CDKAL1: variants seen among roughly 807,000 people sequenced by gnomAD.
CDKAL1 encodes the protein threonylcarbamoyladenosine tRNA methylthiotransferase.
CDKAL1 carries 32 observed loss-of-function variants against 68.2 expected under a neutral mutation model. That is an observed-to-expected ratio of 0.47 (90% CI 0.35 to 0.63). CDKAL1 has a LOEUF of 0.63. Ranked by LOEUF, CDKAL1 falls within the 30% of genes least tolerant of loss-of-function variation. The pLI is 0.00. For missense variants in CDKAL1, 606 were observed against 696.7 expected (o/e 0.87, Z 1.47); for synonymous variants, 234 against 244.3 (o/e 0.96, Z 0.39).
In CDKAL1 at chr6:21,191,992, C is replaced by CTTTTTTTTTTTTTTTTTTTTTTTTTTTTT. The variant is rs145894251; in HGVS notation, c.1300-6017_1300-5989dup. Among the ~76,000 whole-genome samples the CTTTTTTTTTTTTTTTTTTTTTTTTTTTTT allele has an allele frequency of 5.8e-5, 2 of 34,530 alleles. 1 individual carries two copies. Among genetic ancestry groups the CTTTTTTTTTTTTTTTTTTTTTTTTTTTTT allele is most frequent in the African/African-American group, 2.1e-4 (2 of 9,324 alleles). 22.7% of individuals were successfully genotyped at this position (34,530 alleles called of 152,430 possible). ...AGGAATATTTTTATAATTCATTTTT[C>CTTTTTTTTTTTTTTTTTTTTTTTTTTTTT]TTTTTTTTTTTTTTTTTTTTTTTTT... On this transcript the variant is annotated intron_variant, in intron 13 of 15. Coordinates refer to ENST00000274695, the MANE Select transcript of CDKAL1 (RefSeq NM_017774.3).
chr6:21,201,325 GGAA>G (rs1388515014), intron 15 of CDKAL1, 51 bp downstream of exon 15: 1 of 1,485,962 alleles, frequency 6.7e-7, no homozygotes, highest in Non-Finnish European at 9.2e-7. Context: ...CAGCAGCTGT[GGAA>G]GCACAGTGAT....
intron 4 of CDKAL1, among the ~76,000 whole-genome samples, chr6:20,624,167 A>G (rs771833357): frequency 1.7e-4 from 26 of 152,040 alleles, no homozygotes; most frequent in Non-Finnish European, 8.8e-5. Flanking sequence ...ATGAGCAGAC[A>G]TTTGGTGGTT....
intron 8 of CDKAL1, among the ~76,000 whole-genome samples, chr6:20,817,229 C>T (rs1353724662): frequency 6.6e-6 from 1 of 151,992 alleles, no homozygotes; most frequent in Non-Finnish European, 1.5e-5. Flanking sequence ...TACCTGCAGG[C>T]TCCAGTGTAA....
intron 8 of CDKAL1, among the ~76,000 whole-genome samples, chr6:20,816,453 C>A (rs1777052082): frequency 6.6e-6 from 1 of 151,994 alleles, no homozygotes; most frequent in Non-Finnish European, 1.5e-5. Flanking sequence ...TACAGTTTGC[C>A]CATAAACACA....
chr6:21,011,162 A>G (rs867909097), intron 11 of CDKAL1, among the ~76,000 whole-genome samples: 9 of 151,684 alleles, frequency 5.9e-5, no homozygotes, highest in Non-Finnish European at 7.4e-5. Flanking sequence ...GTGGATCACA[A>G]GGTCAGGGGA....
At chr6:20,997,624 CAA>C in intron 10 of CDKAL1, among the ~76,000 whole-genome samples, 1 of 152,078 alleles carries the variant, frequency 6.6e-6, no homozygotes, top group East Asian at 1.9e-4. Context: ...TGTAGCAGGG[CAA>C]AGTTTCATCT....
Position 20,539,677 on chromosome 6 carries a change from G to A in CDKAL1, c.-6+4283G>A, listed in dbSNP as rs1056061397. ...AGCCTGCATGACTGAGGGGAGCGTG[G>A]TAGGAAGTGGGGCCAGAGATGCAGC... On this transcript the variant is annotated intron_variant, in intron 2 of 15. Transcript: ENST00000274695. This position sits in a 1 kb window ranked among gnomAD's most constrained non-coding sequence, Gnocchi z 4.3. 1.3e-5 allele frequency among the ~76,000 whole-genome samples: 2 copies of A among 152,160 alleles called. No individual in the cohort carries two copies. The highest frequency in any genetic ancestry group is 4.8e-5 in the African/African-American group (2 of 41,448).
At chr6:20,672,317 C>T (rs1314803021) in intron 5 of CDKAL1, among the ~76,000 whole-genome samples, 3 of 133,568 alleles carry the variant, frequency 2.2e-5, no homozygotes, top group African/African-American at 9.1e-5. Flanking sequence ...TCTCCCTCTC[C>T]GTCTCTTTCT....
intron 13 of CDKAL1, among the ~76,000 whole-genome samples, chr6:21,186,900 G>A (rs1031818032): frequency 1.3e-5 from 2 of 152,106 alleles, no homozygotes; most frequent in Non-Finnish European, 2.9e-5. Context: ...AACCACAGAT[G>A]TTACTTCACA....
At chr6:20,748,965 G>A (rs1773793294) in intron 6 of CDKAL1, among the ~76,000 whole-genome samples, 1 of 151,268 alleles carries the variant, frequency 6.6e-6, no homozygotes, top group South Asian at 2.1e-4. Flanking sequence ...ATATATATAT[G>A]TATATGTATG....
At chr6:20,814,382 A>G (rs1354273832) in intron 8 of CDKAL1, among the ~76,000 whole-genome samples, 3 of 152,098 alleles carry the variant, frequency 2.0e-5, no homozygotes, top group Admixed American at 6.6e-5. Flanking sequence ...TTCATTCTTT[A>G]TGACTTTTAT....
chr6:21,097,735 G>T (rs1200866249), intron 12 of CDKAL1, among the ~76,000 whole-genome samples: 2 of 152,294 alleles, frequency 1.3e-5, no homozygotes, highest in East Asian at 3.9e-4. Context: ...CTTTATGAGA[G>T]TGCAAACATA....
intron 11 of CDKAL1, among the ~76,000 whole-genome samples, chr6:21,010,626 A>G: frequency 6.6e-6 from 1 of 152,208 alleles, no homozygotes. Context: ...AAAATCAGGA[A>G]GAAATCAAGG....
chr6:20,561,807 AAAATT>A (rs1234610176), intron 4 of CDKAL1, among the ~76,000 whole-genome samples: 1 of 152,220 alleles, frequency 6.6e-6, no homozygotes, highest in African/African-American at 2.4e-5. Context: ...AGTTAGAAGA[AAAATT>A]AAAGTATATT....
chr6:20,621,498 G>A (rs561544748), intron 4 of CDKAL1, among the ~76,000 whole-genome samples: 33 of 152,154 alleles, frequency 2.2e-4, no homozygotes, highest in African/African-American at 7.7e-4. Context: ...TGAAGGAGTC[G>A]GGGGGTTGTG....
At chr6:20,661,379 TGAA>T (rs1277101529) in intron 5 of CDKAL1, among the ~76,000 whole-genome samples, 2 of 152,250 alleles carry the variant, frequency 1.3e-5, no homozygotes, top group African/African-American at 2.4e-5. Context: ...GAAACATAGA[TGAA>T]GAGTTTTTTG....
At chr6:20,693,846 C>T (rs1237428055) in intron 5 of CDKAL1, among the ~76,000 whole-genome samples, 7 of 151,562 alleles carry the variant, frequency 4.6e-5, no homozygotes, top group Admixed American at 4.6e-4. Flanking sequence ...TCATGCTTGG[C>T]ATGGGTCTTC....
chr6:20,601,888 G>A (rs1454110546), intron 4 of CDKAL1, among the ~76,000 whole-genome samples: 3 of 152,038 alleles, frequency 2.0e-5, no homozygotes, highest in Non-Finnish European at 2.9e-5. Flanking sequence ...ATGTTTATTT[G>A]TTATACATAC....
chr6:20,930,955 A>G (rs928745618), intron 9 of CDKAL1, among the ~76,000 whole-genome samples: 8 of 150,172 alleles, frequency 5.3e-5, no homozygotes, highest in Non-Finnish European at 8.9e-5. Flanking sequence ...ATGTTGGCCA[A>G]GATGGTCTCG....
Sources: allele counts gnomAD v4.1 joint callset (sites outside exome capture counted in the v4.1 genomes callset), GRCh38; gene constraint gnomAD v4.1.1; non-coding constraint Gnocchi (gnomAD v3.1); transcripts MANE v1.5; gene names NCBI Gene and HGNC (gene_info 2026-07-23, HGNC 2026-07-21).